EXOC6: variants seen among roughly 807,000 people sequenced by gnomAD.
The protein encoded by EXOC6 is SEC15-like 1.
EXOC6 carries 60 observed loss-of-function variants against 112.5 expected under a neutral mutation model. The ratio of observed to expected loss-of-function variants is 0.53; its 90% CI spans 0.43 to 0.66. EXOC6 has a LOEUF of 0.66. EXOC6 is among the 30% of genes least tolerant of loss of function. The pLI, the probability that EXOC6 is intolerant of heterozygous loss-of-function variation, is 0.00. For missense variants in EXOC6, 855 were observed against 957.1 expected, an observed-to-expected ratio of 0.89 and a Z score of 1.41; for synonymous variants, 295 against 308.0, an observed-to-expected ratio of 0.96 and a Z score of 0.44.
In EXOC6 at chr10:92,880,960, T is replaced by C. The variant is rs146638879; in HGVS notation, c.102-12389T>C. 1.1e-4 allele frequency among the ~76,000 whole-genome samples: 16 copies of C among 152,344 alleles called. No individual in the cohort carries two copies. In the East Asian group the frequency reaches 3.1e-3, roughly 29 times the overall value. On this transcript the variant is annotated intron_variant, in intron 1 of 21. Transcript: ENST00000260762. ...AACTTGTATTCTACATGAAAACTTT[T>C]TGTTTTTCTTTAGGAATTCAGGAAA...
chr10:92,890,710 G>A (rs1053357666), intron 1 of EXOC6, among the ~76,000 whole-genome samples: 9 of 151,996 alleles, frequency 5.9e-5, no homozygotes, highest in Non-Finnish European at 1.3e-4. Context: ...TATCTAGATA[G>A]CATAGATGGG....
intron 9 of EXOC6, among the ~76,000 whole-genome samples, chr10:92,931,302 C>T (rs1852021506): frequency 6.6e-6 from 1 of 150,730 alleles, no homozygotes; most frequent in Non-Finnish European, 1.5e-5. Flanking sequence ...TAGTGTAGTA[C>T]TGAGTTTACT....
At chr10:93,050,378 C>T (rs913256074) in intron 20 of EXOC6, among the ~76,000 whole-genome samples, 1 of 151,732 alleles carries the variant, frequency 6.6e-6, no homozygotes, top group Non-Finnish European at 1.5e-5. Context: ...TGGTGAAACC[C>T]CGTCTCTACA....
At position 92,997,499 on chromosome 10, in the gene EXOC6, T is replaced by A. The variant is rs1045011642; in HGVS notation, c.1979T>A (p.Met660Lys). Residue 660 changes from methionine to lysine, a missense_variant, in exon 19 of 22, where the codon ATG (methionine) becomes AAG (lysine). By Grantham distance (95) the Met-to-Lys change is moderately conservative. This residue lies in a region of EXOC6 where 450 missense variants were observed against 563.5 expected (regional missense o/e 0.80). Transcript: ENST00000260762. ...LPGKVAQTAC[M>K]SACQHLSTSL... is the part of the protein sequence containing the mutation. ...GGGAAAGTTGCTCAGACAGCTTGCA[T>A]GTCAGCCTGCCAGCATCTGTCAACA... 9 of 1,611,832 alleles carry A rather than the reference T, an allele frequency of 5.6e-6. No homozygotes were observed. Among genetic ancestry groups the A allele is most frequent in the Non-Finnish European group, 7.6e-6 (9 of 1,178,812 alleles).
At chr10:93,032,196 G>T (rs544137113) in intron 20 of EXOC6, among the ~76,000 whole-genome samples, 1 of 152,134 alleles carries the variant, frequency 6.6e-6, no homozygotes, top group Non-Finnish European at 1.5e-5. Context: ...AATCAGCCAG[G>T]TATTGTGGTG....
chr10:92,888,363 T>G (rs17107967), intron 1 of EXOC6, among the ~76,000 whole-genome samples: 4,233 of 152,336 alleles, frequency 0.028, 155 homozygotes, highest in East Asian at 0.14. Context: ...TTTTTAAAAC[T>G]TTGAAGAATA....
chr10:92,834,836 T>TTATTG lies in EXOC6; in HGVS notation c.86+13_86+14insATTGT, dbSNP rs761960431. On this transcript the variant is annotated intron_variant, in intron 1 of 21. Coordinates refer to the EXOC6 transcript ENST00000371552. ...GAAGCTACTTTAAGGTAGGGCACCG[T>TTATTG]TGCATTTTATTGTGTCTTCTTTAGC... 1.9e-5 allele frequency: 29 copies of TTATTG among 1,511,380 alleles called. No homozygotes were observed. In the South Asian group the frequency reaches 3.3e-4, roughly 17 times the overall value. The allele number at this position is 1,511,380 out of a possible 1,614,324, so 93.6% of individuals were successfully genotyped here.
intron 2 of EXOC6, 51 bp downstream of exon 2, chr10:92,893,571 G>GTT: frequency 6.9e-7 from 1 of 1,452,054 alleles, no homozygotes; most frequent in Non-Finnish European, 9.4e-7. Context: ...AATTACTCAA[G>GTT]TCTTAGTTGA....
intron 20 of EXOC6, among the ~76,000 whole-genome samples, chr10:93,045,610 G>A (rs992214513): frequency 2.0e-5 from 3 of 152,182 alleles, no homozygotes; most frequent in African/African-American, 7.2e-5. Flanking sequence ...ATTCATACAA[G>A]CAGATCTTAT....
intron 1 of EXOC6, among the ~76,000 whole-genome samples, chr10:92,880,654 G>GT (rs1848916607): frequency 1.3e-5 from 2 of 151,924 alleles, no homozygotes; most frequent in Admixed American, 1.3e-4. Flanking sequence ...TAAACCTTGT[G>GT]TTAAAAAAAA....
intron 1 of EXOC6, among the ~76,000 whole-genome samples, chr10:92,840,234 T>C (rs745680455): frequency 5.9e-5 from 9 of 152,192 alleles, no homozygotes; most frequent in Non-Finnish European, 1.2e-4. Context: ...GTTCTTGCTA[T>C]TTATATCTTT....
At chr10:92,827,806 T>G (rs1391836205) in intron 1 of EXOC6, among the ~76,000 whole-genome samples, 1 of 152,178 alleles carries the variant, frequency 6.6e-6, no homozygotes, top group Non-Finnish European at 1.5e-5. Flanking sequence ...TCTTGGACTT[T>G]TGCTCATCTT....
intron 19 of EXOC6, among the ~76,000 whole-genome samples, chr10:93,004,872 A>G (rs900003800): frequency 6.6e-6 from 1 of 152,184 alleles, no homozygotes; most frequent in Non-Finnish European, 1.5e-5. Flanking sequence ...CAAGAGGCCT[A>G]AATTTTTCCC....
chr10:92,918,461 T>C (rs1174973828), intron 7 of EXOC6, among the ~76,000 whole-genome samples: 1 of 151,712 alleles, frequency 6.6e-6, no homozygotes, highest in African/African-American at 2.4e-5. Context: ...TCACCCAGGC[T>C]GGAGAGCAGT....
At chr10:92,906,955 T>C (rs916112496) in intron 5 of EXOC6, among the ~76,000 whole-genome samples, 2 of 152,168 alleles carry the variant, frequency 1.3e-5, no homozygotes, top group African/African-American at 4.8e-5. Flanking sequence ...TCTATTGTGG[T>C]GCTGTTTTTG....
chr10:92,991,435 C>CAAA (rs1449664701), intron 18 of EXOC6, among the ~76,000 whole-genome samples: 10 of 48,812 alleles, frequency 2.0e-4, no homozygotes, highest in East Asian at 5.5e-4. Flanking sequence ...GACTCCATCT[C>CAAA]AAAAAAAAAA....
intron 17 of EXOC6, among the ~76,000 whole-genome samples, chr10:92,959,183 C>T (rs979011927): frequency 7.2e-5 from 11 of 151,994 alleles, no homozygotes; most frequent in African/African-American, 2.7e-4. Context: ...GATTAAAGAC[C>T]CCAGAAATAG....
intron 5 of EXOC6, among the ~76,000 whole-genome samples, chr10:92,904,445 C>T (rs748304453): frequency 2.6e-5 from 4 of 152,104 alleles, no homozygotes; most frequent in Admixed American, 1.3e-4. Flanking sequence ...TGTTGCTCCA[C>T]ATCCTCCACA....
intron 15 of EXOC6, among the ~76,000 whole-genome samples, chr10:92,953,524 C>T (rs1433443017): frequency 6.6e-6 from 1 of 152,192 alleles, no homozygotes; most frequent in Non-Finnish European, 1.5e-5. Context: ...TGTCTAGAAA[C>T]ATCTTTGGTT....
Sources: allele counts gnomAD v4.1 joint callset (sites outside exome capture counted in the v4.1 genomes callset), GRCh38; gene constraint gnomAD v4.1.1; regional missense constraint gnomAD v4.1.1; transcripts MANE v1.5; gene names NCBI Gene and HGNC (gene_info 2026-07-23, HGNC 2026-07-21).